The following KIF26B variants were observed in gnomAD, a reference collection of about 807,000 sequenced individuals.
The protein encoded by KIF26B is kinesin-like protein KIF26B.
A neutral mutation model predicts 151.2 loss-of-function variants in KIF26B; 63 were observed. The observed-to-expected ratio is 0.42, with a 90% confidence interval of 0.34 to 0.51. The LOEUF (loss-of-function observed/expected upper bound fraction) is 0.51. Among genes scored for constraint, KIF26B ranks in the 20% least tolerant of loss-of-function variants. KIF26B has a pLI of 0.07. For missense variants in KIF26B, 2,813 were observed against 2,913.6 expected (o/e 0.97, Z 0.79); for synonymous variants, 1,357 against 1,262.1 (o/e 1.08, Z -1.59).
At chr1:245,203,561 G>A (rs1669343267) in intron 2 of KIF26B, among the ~76,000 whole-genome samples, 1 of 152,230 alleles carries the variant, frequency 6.6e-6, no homozygotes. Context: ...TAAAGTGTGT[G>A]TGGGTTGCGT....
intron 2 of KIF26B, among the ~76,000 whole-genome samples, chr1:245,211,101 G>C (rs1669512713): frequency 6.6e-6 from 1 of 152,194 alleles, no homozygotes; most frequent in Admixed American, 6.5e-5. Context: ...CTGAACGGGA[G>C]AGACTAGCCA....
intron 4 of KIF26B, among the ~76,000 whole-genome samples, chr1:245,493,586 G>C (rs1215163489): frequency 6.6e-6 from 1 of 152,196 alleles, no homozygotes; most frequent in Admixed American, 6.5e-5. Flanking sequence ...ACTGGCCTAG[G>C]CACTGAGCAA....
At chr1:245,236,717 T>A (rs1670116302) in intron 2 of KIF26B, among the ~76,000 whole-genome samples, 1 of 152,112 alleles carries the variant, frequency 6.6e-6, no homozygotes, top group African/African-American at 2.4e-5. Context: ...AGTGTAGAAA[T>A]AAAAATACAT....
At chr1:245,189,371 AATG>A (rs1175113627) in intron 2 of KIF26B, among the ~76,000 whole-genome samples, 2 of 152,224 alleles carry the variant, frequency 1.3e-5, no homozygotes, top group Non-Finnish European at 2.9e-5. Context: ...AACAAAAGAT[AATG>A]ATGTTTCCTA....
chr1:245,659,717 A>G (rs1248636123), intron 10 of KIF26B, among the ~76,000 whole-genome samples: 1 of 152,078 alleles, frequency 6.6e-6, no homozygotes, highest in Non-Finnish European at 1.5e-5. Context: ...TCACATTATC[A>G]AGTACATTCA....
At chr1:245,460,759 A>G (rs1659628819) in intron 4 of KIF26B, among the ~76,000 whole-genome samples, 1 of 152,210 alleles carries the variant, frequency 6.6e-6, no homozygotes, top group Non-Finnish European at 1.5e-5. Context: ...CGGTGTGGGT[A>G]TGTGCACCTG....
In KIF26B at chr1:245,419,671, CCCAGCCTCGCA is replaced by C; in HGVS notation, c.1093_1103del (p.Pro365GlyfsTer31). The C allele has an allele frequency of 6.2e-7, 1 of 1,613,858 alleles. No individual in the cohort carries two copies. The highest frequency in any genetic ancestry group is 8.5e-7 in the Non-Finnish European group (1 of 1,179,788). On this transcript the variant is annotated frameshift_variant, in exon 4 of 15. Transcript: ENST00000407071. LOFTEE classifies it high-confidence loss of function. ...CAGACAAGCCTTCCGCCTGCAGTGT[CCCAGCCTCGCA>C]GGGCTCCTGCGTGGCCAGCGAGACT...
intron 2 of KIF26B, among the ~76,000 whole-genome samples, chr1:245,181,447 G>A (rs905197333): frequency 6.6e-6 from 1 of 151,372 alleles, no homozygotes; most frequent in Non-Finnish European, 1.5e-5. Context: ...ATCTCATTAT[G>A]GTGTAAATTT....
Position 245,688,015 on chromosome 1 carries a change from G to T in KIF26B, c.5032G>T (p.Glu1678Ter). 1 of 1,562,830 alleles carries T rather than the reference G, an allele frequency of 6.4e-7. No individual in the cohort carries two copies. Among genetic ancestry groups the T allele is most frequent in the Non-Finnish European group, 8.7e-7 (1 of 1,154,830 alleles). The change falls in exon 12 of 15, where the codon GAA (glutamate) becomes TAA (stop). Residue 1678 changes from glutamate to a stop codon, truncating the protein, a stop_gained. Coordinates refer to ENST00000407071, the MANE Select transcript of KIF26B (RefSeq NM_018012.4). LOFTEE classifies it high-confidence loss of function. ...GGGCAGGGCGACAGTCAGCCACTAC[G>T]AATGCCTCTCCCTGGAGCGGGCCGA... is the stretch of plus-strand genomic sequence containing the variant. Reference protein sequence around the residue: ...SLGRATVSHYECLSLERAESL... With the variant: ...SLGRATVSHY
chr1:245,171,761 T>TG (rs1218046088), intron 2 of KIF26B, among the ~76,000 whole-genome samples: 2 of 152,218 alleles, frequency 1.3e-5, no homozygotes, highest in Non-Finnish European at 2.9e-5. Context: ...GCATGGTTCT[T>TG]GGGGTCTGGC....
rs959275680 is a variant in KIF26B at position 245,684,359 on chromosome 1, A to G, written c.2385A>G (p.Ala795=). 8.1e-6 allele frequency: 13 copies of G among 1,613,518 alleles called. No individual in the cohort carries two copies. The highest frequency in any genetic ancestry group is 1.1e-5 in the Non-Finnish European group (13 of 1,179,714). ...AGACCCTGTCCACCATCCAGATTGC[A>G]TCGAGAGTCTTGAGGATGAAGAAAA... The part of the protein sequence containing the change: ...YAETLSTIQI[A]SRVLRMKKKK... Residue 795 remains alanine, a synonymous_variant, in exon 11 of 15, where the codon GCA becomes GCG. Transcript: ENST00000407071.
chr1:245,281,811 C>T (rs1379223326), intron 2 of KIF26B, among the ~76,000 whole-genome samples: 1 of 151,918 alleles, frequency 6.6e-6, no homozygotes, highest in African/African-American at 2.4e-5. Flanking sequence ...CCAGTTTCAG[C>T]TTTCTACATA....
chr1:245,389,492 G>A (rs530459722), intron 3 of KIF26B, among the ~76,000 whole-genome samples: 1 of 152,210 alleles, frequency 6.6e-6, no homozygotes, highest in South Asian at 2.1e-4. Context: ...GAACTGGAAT[G>A]AGTTAAATTT....
intron 3 of KIF26B, among the ~76,000 whole-genome samples, chr1:245,383,848 A>G (rs1479465284): frequency 6.6e-6 from 1 of 152,162 alleles, no homozygotes; most frequent in African/African-American, 2.4e-5. Context: ...TTCTAGAAAA[A>G]GGGCTGCCCA....
At chr1:245,541,751 G>A (rs137922864) in intron 5 of KIF26B, among the ~76,000 whole-genome samples, 54 of 152,092 alleles carry the variant, frequency 3.6e-4, no homozygotes, top group African/African-American at 1.1e-3. Context: ...GGCTTCATTT[G>A]GCCGCCGTTG....
rs144047817 is a variant in KIF26B at position 245,422,237 on chromosome 1, G to A, written c.1166+2492G>A. Among the ~76,000 whole-genome samples the A allele has an allele frequency of 1.2e-3, 182 of 152,212 alleles. 1 individual carries two copies. Among genetic ancestry groups the A allele is most frequent in the African/African-American group, 4.1e-3 (171 of 41,530 alleles). On this transcript the variant is annotated intron_variant, in intron 4 of 14. Transcript: ENST00000407071. ...ATTCAAAGGGTTTACAATGTACAGT[G>A]GGAAACAAGTACCATGTGAAAAAGA...
At position 245,162,575 on chromosome 1, in the gene KIF26B, G is replaced by C. The variant is rs192991249; in HGVS notation, c.465+5892G>C. Among the ~76,000 whole-genome samples, 458 of 151,952 alleles carry C rather than the reference G, an allele frequency of 3.0e-3. 2 individuals are homozygous for C. The highest frequency in any genetic ancestry group is 0.011 in the African/African-American group (439 of 41,416). On this transcript the variant is annotated intron_variant, in intron 2 of 14. Coordinates refer to ENST00000407071, the MANE Select transcript of KIF26B (RefSeq NM_018012.4). ...TAATTTTTGTATTTTTAGTAGAGAT[G>C]GGGTTTCACCATATTGGTCAGGCTA...
intron 9 of KIF26B, among the ~76,000 whole-genome samples, chr1:245,641,426 T>A (rs1230761139): frequency 6.6e-6 from 1 of 152,142 alleles, no homozygotes; most frequent in Non-Finnish European, 1.5e-5. Context: ...GCTTGCAACT[T>A]CTTGTCTTTC....
At chr1:245,323,948 G>A (rs1671935049) in intron 2 of KIF26B, among the ~76,000 whole-genome samples, 1 of 147,898 alleles carries the variant, frequency 6.8e-6, no homozygotes, top group African/African-American at 2.5e-5. Context: ...CCTTATGTGG[G>A]TGGTGGGAGG....
Sources: allele counts gnomAD v4.1 joint callset (sites outside exome capture counted in the v4.1 genomes callset), GRCh38; gene constraint gnomAD v4.1.1; transcripts MANE v1.5; gene names NCBI Gene and HGNC (gene_info 2026-07-23, HGNC 2026-07-21).